The following DEDD2 variants were observed in gnomAD, a reference collection of about 807,000 sequenced individuals.
DEDD2 encodes the protein death effector domain containing 2.
Under a neutral mutation model 28.9 loss-of-function variants are expected in DEDD2, and 18 were observed. That is an observed-to-expected ratio of 0.62 (90% confidence interval 0.43 to 0.92). The LOEUF (loss-of-function observed/expected upper bound fraction) is 0.92. DEDD2 is among the 40% of genes least tolerant of loss of function. The pLI, the probability that DEDD2 is intolerant of heterozygous loss-of-function variation, is 0.00. For missense variants in DEDD2, 411 were observed against 463.3 expected, an observed-to-expected ratio of 0.89 and a Z score of 1.04; for synonymous variants, 211 against 206.1, an observed-to-expected ratio of 1.02 and a Z score of -0.20.
At chr19:42,209,548 C>G (rs183330549) in intron 4 of DEDD2, 152 bp downstream of exon 4, 4 of 1,189,360 alleles carry the variant, frequency 3.4e-6, no homozygotes, top group Non-Finnish European at 4.6e-6. Context: ...GGCAAGATGG[C>G]GAGAGAAAGG....
At position 42,209,784 on chromosome 19, in the gene DEDD2, T is replaced by C. The variant is rs1402457398; in HGVS notation, c.505A>G (p.Arg169Gly). Reference protein sequence around the residue: ...RSRGRPSGGARRRRRGAPAAP... With the variant: ...RSRGRPSGGAGRRRRGAPAAP... ...GCTGGGGCCCCTCTCCGCCGCCGTCTGGCACCACCACTGGGCCGGCCCCGA... is the reference window on the plus strand; with the variant it reads ...GCTGGGGCCCCTCTCCGCCGCCGTCCGGCACCACCACTGGGCCGGCCCCGA... The change falls in exon 4 of 5, where the codon AGA becomes GGA. Residue 169 changes from arginine (R) to glycine (G), a missense_variant. By Grantham distance (125) the Arg-to-Gly change is moderately radical. This residue lies in a region of DEDD2 where 282 missense variants were observed against 273.4 expected (regional missense o/e 1.03). Coordinates refer to ENST00000596251, the MANE Select transcript of DEDD2 (RefSeq NM_133328.4). 2 of 1,593,950 alleles carry C rather than the reference T, an allele frequency of 1.3e-6. No individual in the cohort carries two copies. Among genetic ancestry groups the C allele is most frequent in the East Asian group, 2.3e-5 (1 of 43,846 alleles).
In DEDD2 at chr19:42,199,541, A is replaced by C; in HGVS notation, c.878T>G (p.Val293Gly). Residue 293 changes from valine to glycine, a missense_variant, in exon 5 of 5, where the codon GTT (valine) becomes GGT (glycine). Physicochemically the swap from Val to Gly is moderately radical, Grantham distance 109 (BLOSUM62 -3). Coordinates refer to ENST00000596251, the MANE Select transcript of DEDD2 (RefSeq NM_133328.4). This position sits in a 1 kb window ranked among gnomAD's most constrained non-coding sequence, Gnocchi z 7.4. Reference sequence around the variant, plus strand: ...CTCATCCACACTGACCAGCAGGCGAACAGCCTCCCGGCCCACAGCCTCTCG... The same window carrying C: ...CTCATCCACACTGACCAGCAGGCGACCAGCCTCCCGGCCCACAGCCTCTCG... ...ALREAVGREA[V>G]RLLVSVDEAD... 1 of 1,614,070 alleles carries C rather than the reference A, an allele frequency of 6.2e-7. No homozygotes were observed. The highest frequency in any genetic ancestry group is 8.5e-7 in the Non-Finnish European group (1 of 1,179,970).
intron 3 of DEDD2, among the ~76,000 whole-genome samples, chr19:42,213,062 G>C (rs1467101990): frequency 6.6e-6 from 1 of 152,202 alleles, no homozygotes; most frequent in African/African-American, 2.4e-5. Flanking sequence ...GTGCGGAAGG[G>C]AAAGTTCAAA....
intron 2 of DEDD2, 25 bp downstream of exon 2, chr19:42,216,655 G>A (rs747592512): frequency 1.3e-6 from 2 of 1,532,482 alleles, no homozygotes; most frequent in East Asian, 2.4e-5. Context: ...CCCAGGAAGT[G>A]TGACACCCTC....
chr19:42,209,752 G>C lies in DEDD2; in HGVS notation c.537C>G (p.Pro179=). ...GTCTGGCGGGCTCTGACTGCTGCTG[G>C]GGTGCGGCTGGGGCCCCTCTCCGCC... ...RRRRRGAPAA[P]QQQSEPARPS... Residue 179 remains proline (P), a synonymous_variant, in exon 4 of 5, where the codon CCC becomes CCG. Coordinates refer to ENST00000596251, the MANE Select transcript of DEDD2 (RefSeq NM_133328.4). 1 of 1,605,522 alleles carries C rather than the reference G, an allele frequency of 6.2e-7. No individual in the cohort carries two copies. Among genetic ancestry groups the C allele is most frequent in the South Asian group, 1.1e-5 (1 of 90,504 alleles).
chr19:42,214,998 TAAAC>T, intron 3 of DEDD2, 131 bp downstream of exon 3: 5 of 1,214,686 alleles, frequency 4.1e-6, no homozygotes, highest in Middle Eastern at 2.9e-4. Flanking sequence ...TCTGTAGCAA[TAAAC>T]ACACACACAC....
At chr19:42,202,522 A>C (rs1308933878) in intron 4 of DEDD2, among the ~76,000 whole-genome samples, 2 of 152,216 alleles carry the variant, frequency 1.3e-5, no homozygotes, top group African/African-American at 2.4e-5. Context: ...CCACCATGTC[A>C]GAGTGGACAG....
At chr19:42,218,087 C>T (rs2036056395), upstream of DEDD2, among the ~76,000 whole-genome samples, 1 of 152,146 alleles carries the variant, frequency 6.6e-6, no homozygotes, top group African/African-American at 2.4e-5. Context: ...AACACAATCA[C>T]TACTTTCCCG....
At position 42,210,577 on chromosome 19, in the gene DEDD2, T is replaced by G. The variant is rs1158429017; in HGVS notation, c.449-737A>C. Among the ~76,000 whole-genome samples the G allele has an allele frequency of 4.0e-5, 6 of 151,730 alleles. No individual in the cohort carries two copies. The South Asian group carries it at 6.2e-4, about 16-fold the overall frequency. On this transcript the variant is annotated intron_variant, in intron 3 of 4. Transcript: ENST00000596251. Reference sequence around the variant, plus strand: ...ACCGGCTAATTTTTTGTATTTTAAGTAGAGATGGGTTTCACCATGTTGGCC... The same window carrying G: ...ACCGGCTAATTTTTTGTATTTTAAGGAGAGATGGGTTTCACCATGTTGGCC...
intron 4 of DEDD2, among the ~76,000 whole-genome samples, chr19:42,201,037 T>G (rs2146850253): frequency 6.6e-6 from 1 of 152,262 alleles, no homozygotes; most frequent in East Asian, 1.9e-4. Context: ...ACTTACAGAG[T>G]GCCGACTATC....
chr19:42,208,234 A>G (rs2035610695), intron 4 of DEDD2, among the ~76,000 whole-genome samples: 2 of 152,170 alleles, frequency 1.3e-5, no homozygotes, highest in Non-Finnish European at 2.9e-5. Context: ...ATTTCTCAAG[A>G]GCAAGGTCAA....
At chr19:42,204,943 G>A (rs2035472274) in intron 4 of DEDD2, among the ~76,000 whole-genome samples, 1 of 152,218 alleles carries the variant, frequency 6.6e-6, no homozygotes, top group Admixed American at 6.5e-5. Context: ...AGGAGAAGCT[G>A]CCTCCAACTC....
chr19:42,201,673 C>T (rs2035336397), intron 4 of DEDD2: 2 of 256,790 alleles, frequency 7.8e-6, no homozygotes, highest in Non-Finnish European at 1.5e-5. Context: ...AAGACAACTT[C>T]ACAGCCCTGC....
At chr19:42,205,016 C>T (rs950639959) in intron 4 of DEDD2, among the ~76,000 whole-genome samples, 1 of 152,148 alleles carries the variant, frequency 6.6e-6, no homozygotes, top group Non-Finnish European at 1.5e-5. Context: ...CCCTCAGAAG[C>T]GGGATTGAGG....
At position 42,207,995 on chromosome 19, in the gene DEDD2, G is replaced by A. The variant is rs1343410683; in HGVS notation, c.589+1705C>T. 3.3e-5 allele frequency among the ~76,000 whole-genome samples: 5 copies of A among 152,084 alleles called. 1 individual carries two copies. The highest frequency in any genetic ancestry group is 7.4e-5 in the Non-Finnish European group (5 of 68,012). On this transcript the variant is annotated intron_variant, in intron 4 of 4. Coordinates refer to ENST00000596251, the MANE Select transcript of DEDD2 (RefSeq NM_133328.4). ...ATGGCACCTCCACAAGGAAACTGGG[G>A]CTGGCCAGGAGACTCCCTGCACACC...
rs1249001109 is a variant in DEDD2 at position 42,216,893 on chromosome 19, C to G, written c.115G>C (p.Glu39Gln). The change falls in exon 2 of 5, where the codon GAG becomes CAG. Residue 39 changes from glutamate to glutamine, a missense_variant. By Grantham distance (29) the Glu-to-Gln change is conservative. Around this residue, in one of 2 missense-constraint regions of DEDD2, gnomAD observed 282 missense variants for 273.4 expected, o/e 1.03. Transcript: ENST00000596251. Reference sequence around the variant, plus strand: ...AAGGCCAGGAGCTCCAGCTCGCACTCGGTCAGTTGCCCGCCCACCACCTCG... The same window carrying G: ...AAGGCCAGGAGCTCCAGCTCGCACTGGGTCAGTTGCCCGCCCACCACCTCG... ...MFEVVGGQLT[E>Q]CELELLAFLL... 1 of 1,598,576 alleles carries G rather than the reference C, an allele frequency of 6.3e-7. No individual in the cohort carries two copies. The highest frequency in any genetic ancestry group is 8.5e-7 in the Non-Finnish European group (1 of 1,173,200).
chr19:42,205,429 AGACCAGCCT>A (rs1160992390), intron 4 of DEDD2, among the ~76,000 whole-genome samples: 1 of 152,072 alleles, frequency 6.6e-6, no homozygotes, highest in Non-Finnish European at 1.5e-5. Flanking sequence ...CGGGAGTTCG[AGACCAGCCT>A]GACCAACATG....
chr19:42,214,400 G>A (rs1283343651), intron 3 of DEDD2, among the ~76,000 whole-genome samples: 1 of 152,132 alleles, frequency 6.6e-6, no homozygotes, highest in Non-Finnish European at 1.5e-5. Flanking sequence ...AGAGGTTGCA[G>A]TGAGCCGAGA....
At chr19:42,215,864 G>C (rs1248244373) in intron 2 of DEDD2, among the ~76,000 whole-genome samples, 1 of 152,182 alleles carries the variant, frequency 6.6e-6, no homozygotes, top group Non-Finnish European at 1.5e-5. Flanking sequence ...CCTTCACAAG[G>C]ATTAAGGGCA....
Sources: gnomAD v4.1 joint callset for allele counts (sites outside exome capture counted in the v4.1 genomes callset) on GRCh38, gnomAD v4.1.1 for gene constraint, gnomAD v4.1.1 regional missense constraint, Gnocchi (gnomAD v3.1) non-coding constraint, MANE v1.5 for transcripts, NCBI Gene and HGNC (gene_info 2026-07-23, HGNC 2026-07-21) for gene names.